Variants in SLCO1B1 observed in about 807,000 individuals in gnomAD.
SLCO1B1 encodes the protein solute carrier organic anion transporter family member 1B1.
SLCO1B1 carries 81 observed loss-of-function variants against 70.1 expected under a neutral mutation model. That is an observed-to-expected ratio of 1.16 (90% CI 0.97 to 1.39). The LOEUF (loss-of-function observed/expected upper bound fraction) is 1.39, where lower values mean the gene tolerates loss of function less well. Among genes scored for constraint, SLCO1B1 ranks in the 40% most tolerant of loss-of-function variants. The pLI is 0.00. For synonymous variants in SLCO1B1, 283 were observed against 271.5 expected (o/e 1.04, Z -0.42); for missense variants, 895 against 799.6 (o/e 1.12, Z -1.44).
intron 14 of SLCO1B1, among the ~76,000 whole-genome samples, chr12:21,236,751 A>G (rs1941599656): frequency 6.6e-6 from 1 of 152,138 alleles, no homozygotes; most frequent in Admixed American, 6.5e-5. Context: ...TCTCTTTCTC[A>G]GTTTTTTATT....
At chr12:21,230,979 C>A (rs1309932295) in intron 14 of SLCO1B1, among the ~76,000 whole-genome samples, 1 of 118,206 alleles carries the variant, frequency 8.5e-6, no homozygotes, top group Non-Finnish European at 1.7e-5. Context: ...CCCCTCCCCC[C>A]ACCCCACGAC....
At chr12:21,177,058 G>A (rs1023864529) in intron 5 of SLCO1B1, among the ~76,000 whole-genome samples, 161 bp downstream of exon 5, 3 of 152,016 alleles carry the variant, frequency 2.0e-5, no homozygotes, top group Non-Finnish European at 4.4e-5. Context: ...TACACAGTTC[G>A]CCCATTAACA....
chr12:21,207,220 T>A (rs1214346393), intron 11 of SLCO1B1, among the ~76,000 whole-genome samples: 2 of 152,108 alleles, frequency 1.3e-5, no homozygotes, highest in South Asian at 2.1e-4. Flanking sequence ...AAGTTTAGGG[T>A]ACAATCATTC....
Position 21,141,642 on chromosome 12 carries a change from A to T in SLCO1B1, c.68A>T (p.Tyr23Phe), listed in dbSNP as rs1238688577. 6.2e-7 allele frequency: 1 copy of T among 1,603,400 alleles called. No individual in the cohort carries two copies. Reference sequence around the variant, plus strand: ...CCTTCAGAGAATAAGAAAACAAGATACTGCAATGGATTGAAGGTAGAATAA... The same window carrying T: ...CCTTCAGAGAATAAGAAAACAAGATTCTGCAATGGATTGAAGGTAGAATAA... ...AQPSENKKTRYCNGLKMFLAA... is the reference protein window; with the variant it reads ...AQPSENKKTRFCNGLKMFLAA... The change falls in exon 2 of 15, where the codon TAC (tyrosine) becomes TTC (phenylalanine). Residue 23 changes from tyrosine to phenylalanine, a missense_variant. Tyr to Phe is a conservative substitution (Grantham distance 22). Transcript: ENST00000256958.
intron 14 of SLCO1B1, among the ~76,000 whole-genome samples, chr12:21,228,558 A>G (rs930193022): frequency 6.6e-6 from 1 of 152,172 alleles, no homozygotes; most frequent in African/African-American, 2.4e-5. Context: ...AAGATAAGAA[A>G]ATTATTTGGT....
intron 7 of SLCO1B1, among the ~76,000 whole-genome samples, chr12:21,182,980 A>T (rs1455592216): frequency 6.6e-6 from 1 of 152,168 alleles, no homozygotes; most frequent in Admixed American, 6.5e-5. Context: ...CTAACAAAAG[A>T]AATGCAAGTG....
intron 12 of SLCO1B1, among the ~76,000 whole-genome samples, chr12:21,221,779 A>T (rs1164719054): frequency 6.6e-6 from 1 of 152,156 alleles, no homozygotes; most frequent in Non-Finnish European, 1.5e-5. Flanking sequence ...AAGAATGTTG[A>T]GGAAAAGGAA....
chr12:21,135,076 T>A (rs1172415184), intron 1 of SLCO1B1, among the ~76,000 whole-genome samples: 1 of 152,214 alleles, frequency 6.6e-6, no homozygotes, highest in Non-Finnish European at 1.5e-5. Flanking sequence ...TATTTATGCC[T>A]TCATTTCATT....
intron 14 of SLCO1B1, among the ~76,000 whole-genome samples, chr12:21,237,941 C>A (rs1941611349): frequency 6.6e-6 from 1 of 152,092 alleles, no homozygotes. Flanking sequence ...TCTCTAACTC[C>A]TGACCTCGTG....
intron 2 of SLCO1B1, among the ~76,000 whole-genome samples, chr12:21,153,267 G>A (rs1032955637): frequency 2.0e-5 from 3 of 152,042 alleles, no homozygotes; most frequent in African/African-American, 7.2e-5. Context: ...AGAAATACCA[G>A]CATATATTTT....
chr12:21,131,342 G>A (rs1940130252), intron 1 of SLCO1B1, 106 bp downstream of exon 1: 1 of 151,988 alleles, frequency 6.6e-6, no homozygotes, highest in African/African-American at 2.4e-5. Flanking sequence ...TTTATGCTCT[G>A]TGTCTTCCAC....
intron 11 of SLCO1B1, among the ~76,000 whole-genome samples, chr12:21,213,227 G>A (rs533785348): frequency 9.2e-5 from 14 of 152,074 alleles, no homozygotes; most frequent in South Asian, 4.2e-4. Context: ...CATGTTTAGC[G>A]CTTCCTTCAG....
In SLCO1B1 at chr12:21,178,681, T is replaced by C. The variant is rs771260030; in HGVS notation, c.587T>C (p.Ile196Thr). 2 of 1,606,972 alleles carry C rather than the reference T, an allele frequency of 1.2e-6. No homozygotes were observed. Among genetic ancestry groups the C allele is most frequent in the Non-Finnish European group, 1.7e-6 (2 of 1,173,542 alleles). ...TPIVPLGLSY[I>T]DDFAKEGHSS... The stretch of plus-strand genomic sequence containing the variant: ...ATAGTACCATTGGGGCTTTCTTACA[T>C]TGATGATTTCGCTAAAGAAGGACAT... Residue 196 changes from isoleucine to threonine, a missense_variant, in exon 6 of 15, where the codon ATT (isoleucine) becomes ACT (threonine). Coordinates refer to ENST00000256958, the MANE Select transcript of SLCO1B1 (RefSeq NM_006446.5).
chr12:21,172,993 A>C (rs1195700305), intron 3 of SLCO1B1, among the ~76,000 whole-genome samples: 1 of 152,208 alleles, frequency 6.6e-6, no homozygotes, highest in Non-Finnish European at 1.5e-5. Flanking sequence ...GGTCAGGGGT[A>C]CTGCTAAATA....
intron 7 of SLCO1B1, among the ~76,000 whole-genome samples, chr12:21,189,672 C>G (rs1713243510): frequency 6.6e-6 from 1 of 152,072 alleles, no homozygotes; most frequent in Admixed American, 6.6e-5. Context: ...GTCTCAAACT[C>G]CTGACCTCAG....
chr12:21,228,077 A>G (rs1941499104), intron 14 of SLCO1B1, among the ~76,000 whole-genome samples: 1 of 152,080 alleles, frequency 6.6e-6, no homozygotes, highest in Non-Finnish European at 1.5e-5. Flanking sequence ...ACTTTAATTT[A>G]TGCTCATCCC....
At chr12:21,213,823 C>T (rs1024663850) in intron 11 of SLCO1B1, among the ~76,000 whole-genome samples, 40 of 149,456 alleles carry the variant, frequency 2.7e-4, no homozygotes, top group African/African-American at 9.6e-4. Flanking sequence ...TTTCATCTTC[C>T]ATTGCTGATA....
chr12:21,138,509 C>T (rs1185625475), intron 1 of SLCO1B1, among the ~76,000 whole-genome samples: 1 of 152,146 alleles, frequency 6.6e-6, no homozygotes, highest in Non-Finnish European at 1.5e-5. Flanking sequence ...AATATTCCAA[C>T]TTTCTAGTTA....
At chr12:21,184,344 T>A (rs1940939464) in intron 7 of SLCO1B1, among the ~76,000 whole-genome samples, 1 of 152,134 alleles carries the variant, frequency 6.6e-6, no homozygotes, top group Non-Finnish European at 1.5e-5. Context: ...ATTTTAAGAT[T>A]TTTTTGGGGG....
Sources: allele counts gnomAD v4.1 joint callset (sites outside exome capture counted in the v4.1 genomes callset), GRCh38; gene constraint gnomAD v4.1.1; transcripts MANE v1.5; gene names NCBI Gene and HGNC (gene_info 2026-07-23, HGNC 2026-07-21).